The following NELL2 variants were observed in gnomAD, a reference collection of about 807,000 sequenced individuals.
The protein encoded by NELL2 is neural EGFL like 2.
In NELL2, 41 loss-of-function variants were observed where a neutral mutation model predicts 109.6. The ratio of observed to expected loss-of-function variants is 0.37; its 90% CI spans 0.29 to 0.49. The LOEUF (loss-of-function observed/expected upper bound fraction) is 0.49. NELL2 is among the 20% of genes least tolerant of loss of function. NELL2 has a pLI of 0.98. For synonymous variants in NELL2, 355 were observed against 344.7 expected (o/e 1.03, Z -0.33); for missense variants, 900 against 1,008.3 (o/e 0.89, Z 1.45).
chr12:44,687,699 G>C (rs1948772434), intron 12 of NELL2, among the ~76,000 whole-genome samples: 1 of 152,150 alleles, frequency 6.6e-6, no homozygotes, highest in Admixed American at 6.6e-5. Context: ...CAGAACATGT[G>C]AGTTGTATTT....
intron 7 of NELL2, 111 bp downstream of exon 7, chr12:44,776,931 C>A (rs1941777843): frequency 4.6e-6 from 4 of 864,776 alleles, no homozygotes; most frequent in South Asian, 4.4e-5. Context: ...TCCTAGCAAA[C>A]AGTATAGTAT....
At chr12:44,787,610 C>T (rs1942226635) in intron 3 of NELL2, among the ~76,000 whole-genome samples, 1 of 152,128 alleles carries the variant, frequency 6.6e-6, no homozygotes, top group Non-Finnish European at 1.5e-5. Context: ...GGGATAGTCA[C>T]ATATCTCATA....
intron 9 of NELL2, among the ~76,000 whole-genome samples, chr12:44,753,955 G>A (rs531248803): frequency 2.6e-5 from 4 of 152,228 alleles, no homozygotes; most frequent in African/African-American, 9.6e-5. Flanking sequence ...CAAAATGTTA[G>A]CCATCTAGAG....
chr12:44,919,777 A>T (rs1165055674), intron 1 of NELL2, among the ~76,000 whole-genome samples: 1 of 152,194 alleles, frequency 6.6e-6, no homozygotes, highest in African/African-American at 2.4e-5. Flanking sequence ...TCCAGCCCCC[A>T]GAGCTGTGAG....
At chr12:44,738,145 T>C (rs1009579396) in intron 9 of NELL2, among the ~76,000 whole-genome samples, 1 of 152,160 alleles carries the variant, frequency 6.6e-6, no homozygotes, top group Non-Finnish European at 1.5e-5. Flanking sequence ...AGCCATTATA[T>C]TGTAGTCTAT....
Position 44,648,943 on chromosome 12 carries a change from T to TGTGTGTGTGTGTGTGTGTG in NELL2, c.1444+16540_1444+16541insCACACACACACACACACAC, listed in dbSNP as rs1292852759. Among the ~76,000 whole-genome samples the TGTGTGTGTGTGTGTGTGTG allele has an allele frequency of 8.1e-5, 12 of 147,654 alleles. No homozygotes were observed. The South Asian group carries it at 8.6e-4, about 11-fold the overall frequency. ...GTGTGTGTGTGTGTGTGTGTGTGTG[T>TGTGTGTGTGTGTGTGTGTG]TTAGTAGAGACAGGGTTTCACCATG... On this transcript the variant is annotated intron_variant, in intron 13 of 19. Coordinates refer to ENST00000429094, the MANE Select transcript of NELL2 (RefSeq NM_001145108.2).
At chr12:44,788,234 C>T (rs954252481) in intron 3 of NELL2, among the ~76,000 whole-genome samples, 2 of 152,046 alleles carry the variant, frequency 1.3e-5, no homozygotes, top group South Asian at 2.1e-4. Flanking sequence ...AGCTCCAGAT[C>T]GACTGCAAGA....
At chr12:44,728,041 C>T (rs1939172973) in intron 9 of NELL2, among the ~76,000 whole-genome samples, 1 of 151,886 alleles carries the variant, frequency 6.6e-6, no homozygotes, top group African/African-American at 2.4e-5. Context: ...CACACACACA[C>T]AAAATTATTA....
At chr12:44,909,742 G>GACACACACACAC (rs71435995) in intron 1 of NELL2, among the ~76,000 whole-genome samples, 2,773 of 144,490 alleles carry the variant, frequency 0.019, 51 homozygotes, top group African/African-American at 0.035. Context: ...CACAGACACA[G>GACACACACACAC]ACACACACAC....
intron 9 of NELL2, 69 bp downstream of exon 9, chr12:44,774,677 TG>T: frequency 8.1e-7 from 1 of 1,236,796 alleles, no homozygotes; most frequent in Non-Finnish European, 1.2e-6. Context: ...AAACCAATGA[TG>T]GGTGAATACT....
At chr12:44,670,060 T>G (rs1948083626) in intron 12 of NELL2, among the ~76,000 whole-genome samples, 1 of 152,068 alleles carries the variant, frequency 6.6e-6, no homozygotes, top group Non-Finnish European at 1.5e-5. Flanking sequence ...ATTAGAGGCC[T>G]GGAGAGAAGG....
intron 1 of NELL2, among the ~76,000 whole-genome samples, chr12:44,897,777 C>A (rs1245688245): frequency 2.0e-5 from 3 of 151,930 alleles, no homozygotes; most frequent in African/African-American, 7.3e-5. Flanking sequence ...ACTGTTTACT[C>A]CCCTGGAAAA....
chr12:44,887,657 T>C (rs984198273), intron 1 of NELL2, among the ~76,000 whole-genome samples: 8 of 150,280 alleles, frequency 5.3e-5, no homozygotes, highest in Non-Finnish European at 8.9e-5. Context: ...TGTGTGTGTG[T>C]GTTGTTGTTG....
chr12:44,627,697 C>T (rs75636942), intron 13 of NELL2, among the ~76,000 whole-genome samples: 1 of 151,956 alleles, frequency 6.6e-6, no homozygotes, highest in Non-Finnish European at 1.5e-5. Flanking sequence ...GTTCCCCTTT[C>T]TTAAAAAAAA....
At chr12:44,734,738 ATTG>A (rs1443154051) in intron 9 of NELL2, among the ~76,000 whole-genome samples, 5 of 151,962 alleles carry the variant, frequency 3.3e-5, no homozygotes, top group Non-Finnish European at 4.4e-5. Context: ...CTATAATGTT[ATTG>A]TTGTATTTTT....
At chr12:44,596,270 T>C (rs1944959380) in intron 15 of NELL2, among the ~76,000 whole-genome samples, 1 of 152,192 alleles carries the variant, frequency 6.6e-6, no homozygotes, top group Admixed American at 6.5e-5. Flanking sequence ...TCCACAAAGT[T>C]TACTGCTATT....
At chr12:44,512,543 T>A (rs1483112922) in intron 19 of NELL2, among the ~76,000 whole-genome samples, 1 of 152,098 alleles carries the variant, frequency 6.6e-6, no homozygotes, top group Non-Finnish European at 1.5e-5. Context: ...GCAGTATTTT[T>A]CACAATCACC....
At chr12:44,889,591 G>A (rs547179785) in intron 1 of NELL2, among the ~76,000 whole-genome samples, 1 of 152,002 alleles carries the variant, frequency 6.6e-6, no homozygotes, top group East Asian at 1.9e-4. Context: ...TATCATTAGG[G>A]GACAAGTGAC....
intron 10 of NELL2, among the ~76,000 whole-genome samples, chr12:44,712,705 T>A (rs1348220956): frequency 6.6e-6 from 1 of 151,980 alleles, no homozygotes; most frequent in Non-Finnish European, 1.5e-5. Flanking sequence ...AGCTGTGCTG[T>A]CCAATCAGTA....
Sources: allele counts gnomAD v4.1 joint callset (sites outside exome capture counted in the v4.1 genomes callset), GRCh38; gene constraint gnomAD v4.1.1; transcripts MANE v1.5; gene names NCBI Gene and HGNC (gene_info 2026-07-23, HGNC 2026-07-21).